The following KAZN variants were observed in gnomAD, a reference collection of about 807,000 sequenced individuals.
The protein encoded by KAZN is kazrin.
A neutral mutation model predicts 87.4 loss-of-function variants in KAZN; 40 were observed. The observed-to-expected ratio is 0.46, with a 90% CI of 0.36 to 0.60. The LOEUF (loss-of-function observed/expected upper bound fraction) is 0.60, where lower values mean the gene tolerates loss of function less well. Ranked by LOEUF, KAZN falls within the 20% of genes least tolerant of loss-of-function variation. KAZN has a pLI of 0.00. For missense variants in KAZN, 898 were observed against 1,073.9 expected, an observed-to-expected ratio of 0.84 and a Z score of 2.29; for synonymous variants, 466 against 458.3, an observed-to-expected ratio of 1.02 and a Z score of -0.22.
chr1:14,099,550 A>C (rs1644203730), intron 1 of KAZN, among the ~76,000 whole-genome samples: 1 of 152,140 alleles, frequency 6.6e-6, no homozygotes, highest in Non-Finnish European at 1.5e-5. Flanking sequence ...GCCTTGAGAG[A>C]TAACAGCTGA....
chr1:14,884,484 C>G (rs964644736), intron 1 of KAZN, among the ~76,000 whole-genome samples: 1 of 152,190 alleles, frequency 6.6e-6, no homozygotes, highest in African/African-American at 2.4e-5. Flanking sequence ...TAAGACTATG[C>G]ATATAACAGA....
At chr1:14,482,189 C>T (rs954570300) in intron 2 of KAZN, among the ~76,000 whole-genome samples, 8 of 152,162 alleles carry the variant, frequency 5.3e-5, no homozygotes, top group South Asian at 2.1e-4. Context: ...ATGCTCACCC[C>T]CTCCCGCTAG....
At chr1:14,321,756 A>G (rs1255224823) in intron 2 of KAZN, among the ~76,000 whole-genome samples, 2 of 152,176 alleles carry the variant, frequency 1.3e-5, no homozygotes, top group East Asian at 1.9e-4. Flanking sequence ...GATTAATCAC[A>G]TAGCCCGAAT....
At chr1:14,947,965 G>C (rs1196233081) in intron 1 of KAZN, among the ~76,000 whole-genome samples, 1 of 152,244 alleles carries the variant, frequency 6.6e-6, no homozygotes, top group African/African-American at 2.4e-5. Context: ...TTTCAGTCCA[G>C]AAGGACTGGT....
chr1:15,090,215 G>T (rs557823091), intron 8 of KAZN, among the ~76,000 whole-genome samples: 6 of 152,348 alleles, frequency 3.9e-5, no homozygotes, highest in African/African-American at 1.4e-4. Context: ...CCAAATGGAT[G>T]ACAGGGGCCG....
intron 2 of KAZN, among the ~76,000 whole-genome samples, chr1:14,488,023 T>C (rs1183208011): frequency 2.6e-5 from 4 of 152,176 alleles, no homozygotes; most frequent in Non-Finnish European, 2.9e-5. Context: ...TAAGGAGCTT[T>C]GAGAGTATCC....
chr1:14,633,068 C>T (rs1011337892), intron 1 of KAZN, among the ~76,000 whole-genome samples: 5 of 152,068 alleles, frequency 3.3e-5, no homozygotes, highest in African/African-American at 4.8e-5. Context: ...AGGCACCTGC[C>T]ATCGTGCCTG....
intron 1 of KAZN, among the ~76,000 whole-genome samples, chr1:14,702,010 C>A (rs1325672501): frequency 1.3e-5 from 2 of 152,150 alleles, no homozygotes; most frequent in Non-Finnish European, 2.9e-5. Flanking sequence ...GGCCCCTTTC[C>A]CTACTTGTTG....
chr1:15,077,199 C>T lies in KAZN; in HGVS notation c.1222+11446C>T, dbSNP rs1300989865. ...TTAGTGTCCATTGGGGGAAAATTTC[C>T]AAGGCCCTAATTTGTCTCAGGGCCA... On this transcript the variant is annotated intron_variant, in intron 8 of 14. Coordinates refer to ENST00000376030, the MANE Select transcript of KAZN (RefSeq NM_201628.3). The surrounding 1 kb of genome is among the most constrained non-coding windows in gnomAD (Gnocchi z 4.8). 3.3e-5 allele frequency among the ~76,000 whole-genome samples: 5 copies of T among 152,228 alleles called. No homozygotes were observed. The South Asian group carries it at 8.3e-4, about 25-fold the overall frequency.
At chr1:15,029,298 C>T (rs1671455441) in intron 2 of KAZN, among the ~76,000 whole-genome samples, 1 of 152,238 alleles carries the variant, frequency 6.6e-6, no homozygotes, top group South Asian at 2.1e-4. Context: ...GTCTGGCTCA[C>T]TCCTGTCCTC....
In KAZN at chr1:14,540,447, T is replaced by C. The variant is rs1309388901; in HGVS notation, c.250-58536T>C. 2.0e-5 allele frequency among the ~76,000 whole-genome samples: 3 copies of C among 152,242 alleles called. No individual in the cohort carries two copies. In the East Asian group the frequency reaches 5.8e-4, roughly 30 times the overall value. On this transcript the variant is annotated intron_variant, in intron 2 of 16. Transcript: ENST00000636203. ...TTATGGACTGTAAACACAAATGCCTTCGTAGCCAGGGAGAGAGCTCTCAGG... is the reference window on the plus strand; with the variant it reads ...TTATGGACTGTAAACACAAATGCCTCCGTAGCCAGGGAGAGAGCTCTCAGG...
chr1:13,905,880 C>T (rs750080488), intron 1 of KAZN, among the ~76,000 whole-genome samples: 15 of 152,094 alleles, frequency 9.9e-5, no homozygotes, highest in Non-Finnish European at 1.8e-4. Context: ...CTCATTGTTC[C>T]GCAGGCCAGA....
intron 1 of KAZN, among the ~76,000 whole-genome samples, chr1:14,675,944 G>A (rs1000618475): frequency 1.3e-5 from 2 of 152,236 alleles, no homozygotes; most frequent in Non-Finnish European, 2.9e-5. Context: ...TCTACACCCC[G>A]AGTATGGTTG....
chr1:14,959,266 G>T (rs1340969234), intron 1 of KAZN, among the ~76,000 whole-genome samples: 1 of 152,206 alleles, frequency 6.6e-6, no homozygotes, highest in African/African-American at 2.4e-5. Context: ...ACCCTTCCAC[G>T]CAGGTGATGT....
chr1:14,239,496 T>C lies in KAZN; in HGVS notation c.249+58904T>C, dbSNP rs562868257. 4.7e-3 allele frequency among the ~76,000 whole-genome samples: 696 copies of C among 147,000 alleles called. 5 individuals carry two copies. The highest frequency in any genetic ancestry group is 0.016 in the African/African-American group (646 of 39,534). On this transcript the variant is annotated intron_variant, in intron 2 of 16. Transcript: ENST00000636203. ...TTTTTTTGAGGTGGAGTTTCACTCT[T>C]GTTGCCCAGGCTGGAGTGCAATGGC... is the stretch of plus-strand genomic sequence containing the variant.
chr1:14,983,243 C>A (rs564621039), intron 2 of KAZN, among the ~76,000 whole-genome samples: 2 of 152,294 alleles, frequency 1.3e-5, no homozygotes, highest in East Asian at 3.9e-4. Context: ...CTGTACACCC[C>A]CTACCTCCAC....
intron 1 of KAZN, among the ~76,000 whole-genome samples, chr1:13,916,852 G>T (rs939470080): frequency 1.3e-5 from 2 of 152,094 alleles, no homozygotes; most frequent in Non-Finnish European, 2.9e-5. Context: ...GGGCCTCATG[G>T]TTGAGGTGAG....
At chr1:14,510,308 G>T (rs1013945626) in intron 2 of KAZN, among the ~76,000 whole-genome samples, 1 of 151,796 alleles carries the variant, frequency 6.6e-6, no homozygotes, top group Admixed American at 6.6e-5. Flanking sequence ...AACCCAGGGG[G>T]TGGAGGTTGC....
At chr1:14,920,943 G>A (rs183552549) in intron 1 of KAZN, among the ~76,000 whole-genome samples, 42 of 152,278 alleles carry the variant, frequency 2.8e-4, no homozygotes, top group Middle Eastern at 3.4e-3. Context: ...ACCTCAAGGT[G>A]TTTTTAATGT....
Sources: gnomAD v4.1 joint callset for allele counts (sites outside exome capture counted in the v4.1 genomes callset) on GRCh38, gnomAD v4.1.1 for gene constraint, Gnocchi (gnomAD v3.1) non-coding constraint, MANE v1.5 for transcripts, NCBI Gene and HGNC (gene_info 2026-07-23, HGNC 2026-07-21) for gene names.